The following ADGRB3 variants were observed in gnomAD, a reference collection of about 807,000 sequenced individuals.
The protein encoded by ADGRB3 is adhesion G protein-coupled receptor B3.
In ADGRB3, 37 loss-of-function variants were observed where a neutral mutation model predicts 193.4. The ratio of observed to expected loss-of-function variants is 0.19; its 90% confidence interval spans 0.15 to 0.25. ADGRB3 has a LOEUF of 0.25. ADGRB3 is among the 10% of genes least tolerant of loss of function. The pLI is 1.00. For missense variants in ADGRB3, 1,637 were observed against 1,852.9 expected (o/e 0.88, Z 2.14); for synonymous variants, 690 against 644.2 (o/e 1.07, Z -1.08).
chr6:68,751,117 T>C (rs1299932719), intron 3 of ADGRB3, among the ~76,000 whole-genome samples: 1 of 152,150 alleles, frequency 6.6e-6, no homozygotes. Context: ...AATAGCTAAG[T>C]CCAGGCTCTA....
chr6:69,326,275 C>T (rs1768566505), intron 21 of ADGRB3, among the ~76,000 whole-genome samples: 2 of 152,156 alleles, frequency 1.3e-5, no homozygotes, highest in Non-Finnish European at 2.9e-5. Context: ...CTTTGTTCTA[C>T]TTAGAATTTC....
intron 20 of ADGRB3, among the ~76,000 whole-genome samples, chr6:69,284,825 A>T (rs972178332): frequency 6.6e-6 from 1 of 152,308 alleles, no homozygotes; most frequent in African/African-American, 2.4e-5. Flanking sequence ...GAACAAAAAA[A>T]AAAGATTATT....
At chr6:68,729,372 A>G (rs1025466926) in intron 3 of ADGRB3, among the ~76,000 whole-genome samples, 1 of 151,656 alleles carries the variant, frequency 6.6e-6, no homozygotes, top group Non-Finnish European at 1.5e-5. Context: ...TACCTTGACT[A>G]TAGTACAGAA....
At chr6:69,193,256 T>C (rs1002231069) in intron 17 of ADGRB3, among the ~76,000 whole-genome samples, 4 of 152,138 alleles carry the variant, frequency 2.6e-5, no homozygotes, top group Non-Finnish European at 5.9e-5. Context: ...TCCTGCCTAC[T>C]TCTTAGAGAG....
intron 3 of ADGRB3, among the ~76,000 whole-genome samples, chr6:68,869,332 A>G (rs1439171645): frequency 4.6e-5 from 7 of 152,176 alleles, no homozygotes; most frequent in African/African-American, 1.4e-4. Flanking sequence ...CATAGTTAAA[A>G]TTATTTATAG....
At chr6:68,999,963 AG>A (rs1029533242) in intron 11 of ADGRB3, among the ~76,000 whole-genome samples, 10 of 145,768 alleles carry the variant, frequency 6.9e-5, no homozygotes, top group African/African-American at 2.4e-4. Context: ...GAGGAAAAAA[AG>A]AAAAAAAAAT....
At chr6:69,203,172 C>G (rs1051889745) in intron 17 of ADGRB3, among the ~76,000 whole-genome samples, 6 of 152,068 alleles carry the variant, frequency 3.9e-5, no homozygotes, top group African/African-American at 2.4e-5. Context: ...ATTAGCACAG[C>G]ATAATGCAGA....
intron 15 of ADGRB3, among the ~76,000 whole-genome samples, chr6:69,060,210 C>CTCTCTT (rs1554255583): frequency 2.8e-5 from 4 of 142,526 alleles, no homozygotes; most frequent in African/African-American, 1.1e-4. Context: ...TTCTCTGTCT[C>CTCTCTT]TCTCTCTCTT....
chr6:68,700,156 T>C (rs1765218283), intron 3 of ADGRB3, among the ~76,000 whole-genome samples: 1 of 152,090 alleles, frequency 6.6e-6, no homozygotes, highest in Non-Finnish European at 1.5e-5. Flanking sequence ...AAAAACACAT[T>C]CAGGTGCCTA....
At chr6:69,090,062 T>C (rs750082498) in intron 17 of ADGRB3, among the ~76,000 whole-genome samples, 1 of 152,248 alleles carries the variant, frequency 6.6e-6, no homozygotes, top group Non-Finnish European at 1.5e-5. Context: ...AGGTAAACTT[T>C]CCAAGTGGTT....
intron 3 of ADGRB3, among the ~76,000 whole-genome samples, chr6:68,754,302 A>C (rs1384282082): frequency 1.3e-5 from 2 of 152,200 alleles, no homozygotes; most frequent in Non-Finnish European, 2.9e-5. Flanking sequence ...GCCTCTGGTC[A>C]TAGCAGGGGA....
chr6:68,833,123 T>C (rs913742124), intron 3 of ADGRB3, among the ~76,000 whole-genome samples: 2 of 152,168 alleles, frequency 1.3e-5, no homozygotes, highest in African/African-American at 2.4e-5. Context: ...CCATTCTTTA[T>C]AGGAAAGATC....
chr6:68,836,713 G>C (rs1220595062), intron 3 of ADGRB3, among the ~76,000 whole-genome samples: 6 of 152,118 alleles, frequency 3.9e-5, no homozygotes, highest in Non-Finnish European at 7.4e-5. Flanking sequence ...CGTTGGCTGG[G>C]TGCAGTGGCT....
intron 8 of ADGRB3, among the ~76,000 whole-genome samples, chr6:68,965,360 C>T (rs1472329825): frequency 1.3e-5 from 2 of 152,240 alleles, no homozygotes; most frequent in South Asian, 4.1e-4. Context: ...CCTCTGCATC[C>T]TCCAGCACAG....
At chr6:69,249,037 G>C (rs1766556753) in intron 20 of ADGRB3, among the ~76,000 whole-genome samples, 1 of 152,150 alleles carries the variant, frequency 6.6e-6, no homozygotes, top group Non-Finnish European at 1.5e-5. Flanking sequence ...GAGTGCAGTA[G>C]CGCGATCTTG....
At chr6:69,340,433 AAC>A (rs1768949814) in intron 26 of ADGRB3, among the ~76,000 whole-genome samples, 1 of 152,130 alleles carries the variant, frequency 6.6e-6, no homozygotes, top group Non-Finnish European at 1.5e-5. Context: ...ACTTTGAGAA[AAC>A]AGTCTACTCT....
At chr6:69,298,798 T>A (rs1767889943) in intron 20 of ADGRB3, among the ~76,000 whole-genome samples, 1 of 152,092 alleles carries the variant, frequency 6.6e-6, no homozygotes, top group Non-Finnish European at 1.5e-5. Flanking sequence ...GATACTTAGG[T>A]TGATTCCATA....
intron 3 of ADGRB3, among the ~76,000 whole-genome samples, chr6:68,757,715 C>T (rs749886603): frequency 6.6e-6 from 1 of 151,896 alleles, no homozygotes; most frequent in Non-Finnish European, 1.5e-5. Context: ...AAATTTAAAA[C>T]CTTACTTTAG....
chr6:69,045,556 T>C (rs1347988321), intron 13 of ADGRB3, among the ~76,000 whole-genome samples: 2 of 152,152 alleles, frequency 1.3e-5, no homozygotes, highest in Non-Finnish European at 2.9e-5. Flanking sequence ...GTAGTGCTTA[T>C]GCTATTAGCT....
Sources: allele counts gnomAD v4.1 joint callset (sites outside exome capture counted in the v4.1 genomes callset), GRCh38; gene constraint gnomAD v4.1.1; transcripts MANE v1.5; gene names NCBI Gene and HGNC (gene_info 2026-07-23, HGNC 2026-07-21).